ARHGAP24: variants seen among roughly 807,000 people sequenced by gnomAD.
ARHGAP24 encodes rho GTPase-activating protein 24.
ARHGAP24 carries 50 observed loss-of-function variants against 76.4 expected under a neutral mutation model. That is an observed-to-expected ratio of 0.65 (90% CI 0.52 to 0.83). ARHGAP24 has a LOEUF of 0.83. Ranked by LOEUF, ARHGAP24 falls within the 40% of genes least tolerant of loss-of-function variation. ARHGAP24 has a pLI of 0.00. For synonymous variants in ARHGAP24, 345 were observed against 323.3 expected, an observed-to-expected ratio of 1.07 and a Z score of -0.72; for missense variants, 930 against 914.2, an observed-to-expected ratio of 1.02 and a Z score of -0.22.
intron 2 of ARHGAP24, among the ~76,000 whole-genome samples, chr4:85,644,469 C>G (rs1009725833): frequency 3.3e-5 from 5 of 152,058 alleles, no homozygotes; most frequent in Non-Finnish European, 5.9e-5. Flanking sequence ...CTCTAAAAGC[C>G]TGTAATCCTC....
intron 3 of ARHGAP24, among the ~76,000 whole-genome samples, chr4:85,770,083 G>A (rs575641388): frequency 2.0e-4 from 30 of 152,252 alleles, no homozygotes; most frequent in Non-Finnish European, 3.5e-4. Flanking sequence ...CAGCACTGAT[G>A]GACAATTTAT....
At chr4:85,624,919 T>A (rs1300066010) in intron 2 of ARHGAP24, among the ~76,000 whole-genome samples, 2 of 152,182 alleles carry the variant, frequency 1.3e-5, no homozygotes, top group African/African-American at 4.8e-5. Context: ...CGTGGTGATA[T>A]CCCCTTTCTC....
chr4:85,872,888 C>T (rs1199158890), intron 3 of ARHGAP24, among the ~76,000 whole-genome samples: 1 of 152,076 alleles, frequency 6.6e-6, no homozygotes, highest in Admixed American at 6.6e-5. Context: ...AAACGTGAAC[C>T]ACTGCACCTA....
chr4:85,964,404 G>A lies in ARHGAP24; in HGVS notation c.600-7632G>A, dbSNP rs113419034. ...TATGTATGAAACATCTAAAAATTCA[G>A]TGGAAAGGTCTGATGCAGTGATAGA... On this transcript the variant is annotated intron_variant, in intron 5 of 9. Coordinates refer to ENST00000395184, the MANE Select transcript of ARHGAP24 (RefSeq NM_001025616.3). 5.0e-3 allele frequency among the ~76,000 whole-genome samples: 766 copies of A among 152,200 alleles called. 14 individuals are homozygous for A. The highest frequency in any genetic ancestry group is 0.017 in the African/African-American group (721 of 41,532).
intron 1 of ARHGAP24, among the ~76,000 whole-genome samples, chr4:85,526,515 A>T (rs546864287): frequency 6.6e-6 from 1 of 152,022 alleles, no homozygotes; most frequent in Non-Finnish European, 1.5e-5. Context: ...GGTGTTATAT[A>T]CTAATGGTAT....
Position 85,877,628 on chromosome 4 carries a change from T to TAA in ARHGAP24, c.269-46008_269-46007dup, listed in dbSNP as rs36157226. 9.5e-4 allele frequency among the ~76,000 whole-genome samples: 135 copies of TAA among 141,422 alleles called. 1 individual carries two copies. The highest frequency in any genetic ancestry group is 9.2e-3 in the East Asian group (45 of 4,896). The allele number at this position is 141,422 out of a possible 152,430, so 92.8% of individuals were successfully genotyped here. A position where few individuals can be genotyped will look rare whatever the true frequency, so the allele number is the denominator to read the frequency against. ...CAACAGAGCAAGACATTATCTTAAT[T>TAA]AAAAAAAAAAAAAGAAGAAGAATAT... On this transcript the variant is annotated intron_variant, in intron 3 of 9. Coordinates refer to ENST00000395184, the MANE Select transcript of ARHGAP24 (RefSeq NM_001025616.3).
chr4:85,868,753 ACT>A (rs1468917467), intron 3 of ARHGAP24, among the ~76,000 whole-genome samples: 1 of 151,962 alleles, frequency 6.6e-6, no homozygotes, highest in Non-Finnish European at 1.5e-5. Flanking sequence ...TTATCTAAGA[ACT>A]CTCTACACTA....
intron 3 of ARHGAP24, chr4:85,722,608 C>T (rs1205066053): frequency 6.4e-6 from 1 of 155,692 alleles, no homozygotes; most frequent in African/African-American, 2.4e-5. Flanking sequence ...TGTATTCATT[C>T]CTCTTAGTGA....
At chr4:85,529,778 A>C (rs1205257237) in intron 1 of ARHGAP24, among the ~76,000 whole-genome samples, 1 of 152,016 alleles carries the variant, frequency 6.6e-6, no homozygotes, top group African/African-American at 2.4e-5. Flanking sequence ...AGACAATAAA[A>C]ATATGTCATT....
intron 3 of ARHGAP24, among the ~76,000 whole-genome samples, chr4:85,746,914 A>G (rs1403278162): frequency 6.6e-6 from 1 of 151,874 alleles, no homozygotes; most frequent in Non-Finnish European, 1.5e-5. Context: ...CAGCCTCCCA[A>G]AGTGCTGGGA....
intron 3 of ARHGAP24, among the ~76,000 whole-genome samples, chr4:85,764,114 C>T (rs1475890305): frequency 6.6e-6 from 1 of 152,054 alleles, no homozygotes; most frequent in Admixed American, 6.6e-5. Flanking sequence ...AAGGAGTTTA[C>T]TAACAATGAG....
intron 2 of ARHGAP24, among the ~76,000 whole-genome samples, chr4:85,667,973 C>T (rs957110489): frequency 3.3e-5 from 5 of 152,184 alleles, no homozygotes; most frequent in South Asian, 4.1e-4. Flanking sequence ...TAAACAAATA[C>T]GATGTTTTGC....
intron 2 of ARHGAP24, among the ~76,000 whole-genome samples, chr4:85,631,847 C>T (rs921609486): frequency 6.6e-6 from 1 of 151,956 alleles, no homozygotes; most frequent in African/African-American, 2.4e-5. Flanking sequence ...TATTGTGATA[C>T]AGAAAACTGA....
intron 1 of ARHGAP24, among the ~76,000 whole-genome samples, chr4:85,566,697 T>C (rs1726861193): frequency 6.6e-6 from 1 of 152,188 alleles, no homozygotes; most frequent in Non-Finnish European, 1.5e-5. Flanking sequence ...AGGAAAGCCA[T>C]GTCCTTGACC....
At position 85,824,395 on chromosome 4, in the gene ARHGAP24, C is replaced by T. The variant is rs77488008; in HGVS notation, c.269-99253C>T. On this transcript the variant is annotated intron_variant, in intron 3 of 9. Coordinates refer to ENST00000395184, the MANE Select transcript of ARHGAP24 (RefSeq NM_001025616.3). ...TTCACACACTAGAAACAACCCCATC[C>T]GACTCATCCATGAACCCAGTACTAC... Among the ~76,000 whole-genome samples, 12 of 152,236 alleles carry T rather than the reference C, an allele frequency of 7.9e-5. No homozygotes were observed. In the South Asian group the frequency reaches 1.2e-3, roughly 16 times the overall value.
At chr4:85,732,859 A>G (rs1355943112) in intron 3 of ARHGAP24, among the ~76,000 whole-genome samples, 2 of 149,352 alleles carry the variant, frequency 1.3e-5, no homozygotes, top group African/African-American at 5.0e-5. Context: ...AAGCCTGGCT[A>G]ATTTTGTATT....
chr4:85,944,780 C>G (rs1183468608), intron 5 of ARHGAP24, among the ~76,000 whole-genome samples: 1 of 152,134 alleles, frequency 6.6e-6, no homozygotes, highest in Non-Finnish European at 1.5e-5. Flanking sequence ...CAAACGAAAG[C>G]CTTTATAAGA....
At chr4:85,533,835 T>C (rs1477151030) in intron 1 of ARHGAP24, among the ~76,000 whole-genome samples, 1 of 152,186 alleles carries the variant, frequency 6.6e-6, no homozygotes, top group Non-Finnish European at 1.5e-5. Context: ...TAAAATATAT[T>C]ATGGTAATCA....
chr4:85,890,413 G>T (rs1733819816), intron 3 of ARHGAP24, among the ~76,000 whole-genome samples: 2 of 152,108 alleles, frequency 1.3e-5, no homozygotes, highest in African/African-American at 4.8e-5. Flanking sequence ...GAAACTAACA[G>T]CCTGGTAGGA....
Sources: gnomAD v4.1 joint callset for allele counts (sites outside exome capture counted in the v4.1 genomes callset) on GRCh38, gnomAD v4.1.1 for gene constraint, MANE v1.5 for transcripts, NCBI Gene and HGNC (gene_info 2026-07-23, HGNC 2026-07-21) for gene names.